The following STIM1 variants were observed in gnomAD, a reference collection of about 807,000 sequenced individuals.
STIM1 encodes the protein stromal interaction molecule 1.
Under a neutral mutation model 74.7 loss-of-function variants are expected in STIM1, and 25 were observed. The ratio of observed to expected loss-of-function variants is 0.33; its 90% confidence interval spans 0.24 to 0.47. The LOEUF (loss-of-function observed/expected upper bound fraction) is 0.47. Among genes scored for constraint, STIM1 ranks in the 20% least tolerant of loss-of-function variants. The probability of loss-of-function intolerance (pLI) is 1.00; values close to 1 mark genes in which losing one functional copy is unlikely to be tolerated. For synonymous variants in STIM1, 328 were observed against 348.8 expected (o/e 0.94, Z 0.66); for missense variants, 728 against 920.8 (o/e 0.79, Z 2.71).
intron 2 of STIM1, among the ~76,000 whole-genome samples, chr11:4,015,850 T>C (rs1298743169): frequency 6.6e-6 from 1 of 152,230 alleles, no homozygotes; most frequent in Non-Finnish European, 1.5e-5. Context: ...TTGAAGCTTG[T>C]GTATGCTTCA....
At chr11:3,948,984 C>A (rs2093112534) in intron 1 of STIM1, among the ~76,000 whole-genome samples, 1 of 152,190 alleles carries the variant, frequency 6.6e-6, no homozygotes, top group Non-Finnish European at 1.5e-5. Flanking sequence ...GTGCCATGCT[C>A]TATTTGAAGT....
intron 3 of STIM1, among the ~76,000 whole-genome samples, chr11:4,033,334 G>A (rs1189599546): frequency 2.0e-5 from 3 of 152,242 alleles, no homozygotes; most frequent in Admixed American, 6.5e-5. Flanking sequence ...TTGACTTGGC[G>A]ATGCGGGCTC....
At chr11:3,877,045 A>C (rs7116483) in intron 1 of STIM1, among the ~76,000 whole-genome samples, 42 of 152,204 alleles carry the variant, frequency 2.8e-4, no homozygotes, top group South Asian at 4.2e-4. Flanking sequence ...TTATTGGGAG[A>C]GTTGTTTAAA....
intron 1 of STIM1, among the ~76,000 whole-genome samples, chr11:3,895,668 TTCTTTCCTTCCTTCCTTC>T: frequency 2.7e-5 from 1 of 37,092 alleles, no homozygotes; most frequent in African/African-American, 1.7e-4. Flanking sequence ...CTTTCTTTCT[TTCTTTCCTTCCTTCCTTC>T]TTTCTTTCTT....
chr11:3,860,107 ATTATC>A (rs1278824315), intron 1 of STIM1, among the ~76,000 whole-genome samples: 1 of 152,218 alleles, frequency 6.6e-6, no homozygotes, highest in Non-Finnish European at 1.5e-5. Context: ...AAATAAATAT[ATTATC>A]TTGTGGAAAA....
chr11:4,022,183 A>G (rs940325704), intron 2 of STIM1, among the ~76,000 whole-genome samples: 1 of 151,922 alleles, frequency 6.6e-6, no homozygotes, highest in African/African-American at 2.4e-5. Context: ...AATACAAAAA[A>G]TTAGCCAGGT....
At chr11:4,079,824 C>G (rs780500028) in intron 7 of STIM1, among the ~76,000 whole-genome samples, 4 of 152,098 alleles carry the variant, frequency 2.6e-5, no homozygotes, top group Non-Finnish European at 4.4e-5. Context: ...ACTTTGGCTG[C>G]ATATTAGAAT....
At chr11:4,087,567 G>C (rs1446307630) in intron 12 of STIM1, among the ~76,000 whole-genome samples, 1 of 152,104 alleles carries the variant, frequency 6.6e-6, no homozygotes, top group Non-Finnish European at 1.5e-5. Context: ...GAAAGGGAAG[G>C]GTTTTGGCCT....
At chr11:4,071,214 T>G (rs1206860353) in intron 6 of STIM1, among the ~76,000 whole-genome samples, 1 of 152,028 alleles carries the variant, frequency 6.6e-6, no homozygotes, top group Non-Finnish European at 1.5e-5. Flanking sequence ...TGTTTTGTTT[T>G]CGAGAAGAGG....
chr11:3,873,435 A>AAT (rs2091198802), intron 1 of STIM1, among the ~76,000 whole-genome samples: 1 of 151,280 alleles, frequency 6.6e-6, no homozygotes, highest in African/African-American at 2.4e-5. Flanking sequence ...AAAAAAAAAA[A>AAT]AATTAAAAAC....
chr11:3,921,036 T>G (rs1264983368), intron 1 of STIM1, among the ~76,000 whole-genome samples: 1 of 152,162 alleles, frequency 6.6e-6, no homozygotes, highest in Non-Finnish European at 1.5e-5. Context: ...CCTCAGGTAA[T>G]CTGCCCACCT....
At chr11:3,871,648 T>G (rs2091100845) in intron 1 of STIM1, among the ~76,000 whole-genome samples, 1 of 152,230 alleles carries the variant, frequency 6.6e-6, no homozygotes, top group Non-Finnish European at 1.5e-5. Flanking sequence ...ATTGTTTTCT[T>G]GAAACTTTTT....
intron 1 of STIM1, among the ~76,000 whole-genome samples, chr11:3,896,151 A>G (rs936504475): frequency 3.3e-5 from 5 of 151,762 alleles, no homozygotes; most frequent in African/African-American, 1.2e-4. Context: ...TGATCCGCCC[A>G]CCTCGGCCTT....
chr11:3,976,005 T>A (rs1436812428), intron 2 of STIM1, among the ~76,000 whole-genome samples: 1 of 152,250 alleles, frequency 6.6e-6, no homozygotes, highest in Non-Finnish European at 1.5e-5. Context: ...AATGAAACTT[T>A]ATATTCACAG....
intron 2 of STIM1, among the ~76,000 whole-genome samples, chr11:4,020,873 G>A (rs2093949744): frequency 6.6e-6 from 1 of 152,038 alleles, no homozygotes; most frequent in Non-Finnish European, 1.5e-5. Context: ...AAAGTGCCGT[G>A]ATTACAGGCA....
chr11:3,971,370 A>G (rs967207012), intron 2 of STIM1, among the ~76,000 whole-genome samples: 3 of 152,164 alleles, frequency 2.0e-5, no homozygotes, highest in Admixed American at 1.3e-4. Context: ...TCTACTAAAA[A>G]TACAAAAAAT....
At chr11:4,029,501 G>A (rs1271445088) in intron 3 of STIM1, among the ~76,000 whole-genome samples, 1 of 147,478 alleles carries the variant, frequency 6.8e-6, no homozygotes, top group East Asian at 2.1e-4. Context: ...GTGCACTTTA[G>A]GTGAATTGGT....
intron 1 of STIM1, among the ~76,000 whole-genome samples, chr11:3,898,771 G>T (rs1255988251): frequency 6.7e-6 from 1 of 149,270 alleles, no homozygotes; most frequent in Non-Finnish European, 1.5e-5. Context: ...ATTAAATAGG[G>T]AATCCTTTCC....
At chr11:3,875,506 G>A (rs1278045639) in intron 1 of STIM1, among the ~76,000 whole-genome samples, 2 of 151,890 alleles carry the variant, frequency 1.3e-5, no homozygotes, top group East Asian at 1.9e-4. Flanking sequence ...CAGGCAGATC[G>A]CTTGAGCTCA....
Sources: gnomAD v4.1 joint callset for allele counts (sites outside exome capture counted in the v4.1 genomes callset) on GRCh38, gnomAD v4.1.1 for gene constraint, MANE v1.5 for transcripts, NCBI Gene and HGNC (gene_info 2026-07-23, HGNC 2026-07-21) for gene names.